The following ARMC3 variants were observed in gnomAD, a reference collection of about 807,000 sequenced individuals.
ARMC3 encodes the protein armadillo repeat-containing protein 3.
A neutral mutation model predicts 90.3 loss-of-function variants in ARMC3; 74 were observed. That is an observed-to-expected ratio of 0.82 (90% CI 0.68 to 0.99). ARMC3 has a LOEUF of 0.99. Ranked by LOEUF, ARMC3 falls within the 50% of genes least tolerant of loss-of-function variation. The pLI, the probability that ARMC3 is intolerant of heterozygous loss-of-function variation, is 0.00. For synonymous variants in ARMC3, 334 were observed against 361.8 expected (o/e 0.92, Z 0.87); for missense variants, 958 against 1,042.8 (o/e 0.92, Z 1.12).
intron 8 of ARMC3, among the ~76,000 whole-genome samples, chr10:22,970,263 G>A (rs576741333): frequency 6.6e-6 from 1 of 152,322 alleles, no homozygotes; most frequent in African/African-American, 2.4e-5. Flanking sequence ...TGGGATGGAG[G>A]AGGAGAAGTG....
At position 23,002,034 on chromosome 10, in the gene ARMC3, C is replaced by T. The variant is rs2039832272; in HGVS notation, c.1541C>T (p.Ala514Val). The T allele has an allele frequency of 6.2e-7, 1 of 1,613,722 alleles. No individual in the cohort carries two copies. Among genetic ancestry groups the T allele is most frequent in the Admixed American group, 1.7e-5 (1 of 60,004 alleles). Reference sequence around the variant, plus strand: ...GTCTGTGCTGGTGACGAGCTGACGGCCAATGAATTATGCAGGCTCGGGTGA... The same window carrying T: ...GTCTGTGCTGGTGACGAGCTGACGGTCAATGAATTATGCAGGCTCGGGTGA... ...VMVCAGDELT[A>V]NELCRLGALD... The change falls in exon 12 of 19, where the codon GCC becomes GTC. Residue 514 changes from alanine to valine, a missense_variant. Ala to Val is a moderately conservative substitution (Grantham distance 64, BLOSUM62 0). Coordinates refer to ENST00000298032, the MANE Select transcript of ARMC3 (RefSeq NM_173081.5).
intron 18 of ARMC3, among the ~76,000 whole-genome samples, chr10:23,035,524 T>A (rs12246105): frequency 0.12 from 18,320 of 152,054 alleles, 1,585 homozygotes; most frequent in African/African-American, 0.25. Flanking sequence ...CCTCCTCCTA[T>A]ATCCTTCAGC....
Position 23,003,282 on chromosome 10 carries a change from A to T in ARMC3, c.1599A>T (p.Gly533=). ...LDILEEVNVS[G]TRKNKFSEAA... is the part of the protein sequence containing the mutation. Reference sequence around the variant, plus strand: ...TCCTTGAAGAAGTTAACGTATCAGGAACTCGGAAAAATAAATTCAGTGAGG... The same window carrying T: ...TCCTTGAAGAAGTTAACGTATCAGGTACTCGGAAAAATAAATTCAGTGAGG... The change falls in exon 13 of 19, where the codon GGA becomes GGT. Residue 533 remains glycine (G), a synonymous_variant. Coordinates refer to ENST00000298032, the MANE Select transcript of ARMC3 (RefSeq NM_173081.5). 1 of 1,612,988 alleles carries T rather than the reference A, an allele frequency of 6.2e-7. No homozygotes were observed. Among genetic ancestry groups the T allele is most frequent in the Middle Eastern group, 1.7e-4 (1 of 6,054 alleles).
Position 22,968,446 on chromosome 10 carries a change from T to C in ARMC3, c.873T>C (p.Ile291=). The C allele has an allele frequency of 6.2e-7, 1 of 1,606,592 alleles. No individual in the cohort carries two copies. The highest frequency in any genetic ancestry group is 8.5e-7 in the Non-Finnish European group (1 of 1,178,066). ...SFAENSTIPD[I]QKNAAKAITK... ...CAGAAAACTCTACAATTCCTGATAT[T>C]CAGAAGAATGCAGCAAAAGCCATTA... Residue 291 remains isoleucine (I), a synonymous_variant, in exon 8 of 19, where the codon ATT becomes ATC. Transcript: ENST00000298032.
chr10:23,024,394 A>ATAGAT lies in ARMC3; in HGVS notation c.2046-6201_2046-6197dup, dbSNP rs1487304511. Among the ~76,000 whole-genome samples, 7 of 89,968 alleles carry ATAGAT rather than the reference A, an allele frequency of 7.8e-5. No individual in the cohort carries two copies. In the South Asian group the frequency reaches 1.8e-3, roughly 23 times the overall value. 59.0% of individuals were successfully genotyped at this position (89,968 alleles called of 152,430 possible). On this transcript the variant is annotated intron_variant, in intron 16 of 18. Transcript: ENST00000298032. ...GATTAGGAAGAAAGAGGAATGCCACATAGATAGATAGATAGATAGATAGAT... is the reference window on the plus strand; with the variant it reads ...GATTAGGAAGAAAGAGGAATGCCACATAGATTAGATAGATAGATAGATAGATAGAT...
At chr10:22,996,250 C>T (rs1243168879) in intron 10 of ARMC3, among the ~76,000 whole-genome samples, 1 of 152,148 alleles carries the variant, frequency 6.6e-6, no homozygotes, top group East Asian at 1.9e-4. Flanking sequence ...CCTCCAACTT[C>T]TCCCTCTTTC....
At chr10:22,962,788 A>AT (rs1309380230) in intron 7 of ARMC3, among the ~76,000 whole-genome samples, 1 of 152,134 alleles carries the variant, frequency 6.6e-6, no homozygotes, top group Non-Finnish European at 1.5e-5. Context: ...CAATTGTTAA[A>AT]TTTTTTTCTA....
chr10:23,031,644 C>T (rs910527577), intron 17 of ARMC3, among the ~76,000 whole-genome samples: 1 of 152,200 alleles, frequency 6.6e-6, no homozygotes, highest in African/African-American at 2.4e-5. Flanking sequence ...GAAGTGATGG[C>T]TCAAGCGGAA....
At chr10:22,948,531 C>G (rs1032035364) in intron 3 of ARMC3, among the ~76,000 whole-genome samples, 10 of 151,042 alleles carry the variant, frequency 6.6e-5, no homozygotes, top group African/African-American at 2.4e-4. Context: ...TGAAACAGAC[C>G]CAATATGTGA....
intron 10 of ARMC3, among the ~76,000 whole-genome samples, chr10:22,983,550 T>A (rs1200219327): frequency 6.6e-6 from 1 of 152,208 alleles, no homozygotes; most frequent in Non-Finnish European, 1.5e-5. Context: ...CTGTTTTTTT[T>A]AAATTTTGTA....
intron 10 of ARMC3, among the ~76,000 whole-genome samples, chr10:22,991,794 AT>A (rs937430298): frequency 4.0e-5 from 6 of 151,522 alleles, no homozygotes; most frequent in African/African-American, 1.5e-4. Flanking sequence ...AAGCGCAGGG[AT>A]TTTTTTTTGT....
chr10:22,986,419 G>A (rs1836442098), intron 10 of ARMC3, among the ~76,000 whole-genome samples: 1 of 151,804 alleles, frequency 6.6e-6, no homozygotes, highest in African/African-American at 2.4e-5. Flanking sequence ...AGGAATGGTG[G>A]TGCATATCTG....
chr10:23,001,681 G>A (rs1326292333), intron 11 of ARMC3, among the ~76,000 whole-genome samples: 1 of 152,080 alleles, frequency 6.6e-6, no homozygotes, highest in East Asian at 1.9e-4. Context: ...CCCGTCCCAC[G>A]TAAAATCAGG....
chr10:22,948,892 A>T (rs1339267937), intron 3 of ARMC3, among the ~76,000 whole-genome samples: 2 of 152,198 alleles, frequency 1.3e-5, no homozygotes, highest in Non-Finnish European at 2.9e-5. Context: ...TTGTATTTAG[A>T]AGAGTAGTGA....
At chr10:22,983,925 G>A (rs1462481138) in intron 10 of ARMC3, among the ~76,000 whole-genome samples, 1 of 152,160 alleles carries the variant, frequency 6.6e-6, no homozygotes, top group Non-Finnish European at 1.5e-5. Context: ...CAGCATTGGT[G>A]AGTATTTCTG....
intron 8 of ARMC3, among the ~76,000 whole-genome samples, chr10:22,979,348 T>C (rs537729357): frequency 7.9e-5 from 12 of 152,324 alleles, no homozygotes; most frequent in African/African-American, 2.4e-4. Flanking sequence ...CTTTTAAATC[T>C]ATTATAGCCA....
At chr10:23,014,308 A>G (rs540909962) in intron 16 of ARMC3, 3 of 1,425,822 alleles carry the variant, frequency 2.1e-6, no homozygotes, top group Non-Finnish European at 2.8e-6. Context: ...TAGCACACTT[A>G]GGGGCTCAAT....
chr10:23,011,821 G>C (rs1838027920), intron 16 of ARMC3, among the ~76,000 whole-genome samples: 2 of 152,138 alleles, frequency 1.3e-5, no homozygotes, highest in Non-Finnish European at 2.9e-5. Flanking sequence ...GTCTCTTCGT[G>C]CATTTTCAGG....
intron 10 of ARMC3, among the ~76,000 whole-genome samples, chr10:22,984,700 C>A (rs936393500): frequency 3.3e-5 from 5 of 152,122 alleles, no homozygotes; most frequent in Admixed American, 6.5e-5. Context: ...TTGAAGTAAT[C>A]TGATCATCAC....
Sources: allele counts gnomAD v4.1 joint callset (sites outside exome capture counted in the v4.1 genomes callset), GRCh38; gene constraint gnomAD v4.1.1; transcripts MANE v1.5; gene names NCBI Gene and HGNC (gene_info 2026-07-23, HGNC 2026-07-21).